FAM184A: variants seen among roughly 807,000 people sequenced by gnomAD.
The protein encoded by FAM184A is protein FAM184A.
FAM184A carries 99 observed loss-of-function variants against 143.8 expected under a neutral mutation model. That is an observed-to-expected ratio of 0.69 (90% confidence interval 0.58 to 0.81). The LOEUF (loss-of-function observed/expected upper bound fraction) is 0.81. FAM184A is among the 40% of genes least tolerant of loss of function. The probability of loss-of-function intolerance (pLI) is 0.00; values close to 1 mark genes in which losing one functional copy is unlikely to be tolerated. For missense variants in FAM184A, 1,217 were observed against 1,310.5 expected (o/e 0.93, Z 1.10); for synonymous variants, 427 against 446.4 (o/e 0.96, Z 0.55).
At chr6:119,032,312 G>A (rs777343657) in intron 1 of FAM184A, among the ~76,000 whole-genome samples, 24 of 151,596 alleles carry the variant, frequency 1.6e-4, no homozygotes, top group South Asian at 2.1e-4. Context: ...AATTTTTACC[G>A]ATGAGATTTC....
intron 16 of FAM184A, 116 bp downstream of exon 16, chr6:118,964,551 A>G: frequency 2.0e-6 from 1 of 501,640 alleles, no homozygotes; most frequent in Non-Finnish European, 3.6e-6. Context: ...AGATTATTAA[A>G]TAGAAGAAAA....
At chr6:119,121,566 G>A (rs1250472381) in intron 1 of FAM184A, among the ~76,000 whole-genome samples, 1 of 152,184 alleles carries the variant, frequency 6.6e-6, no homozygotes, top group Non-Finnish European at 1.5e-5. Context: ...ACTTAATGAT[G>A]TCAGCAAATT....
At chr6:119,062,655 A>G (rs137881089) in intron 1 of FAM184A, among the ~76,000 whole-genome samples, 175 of 152,180 alleles carry the variant, frequency 1.1e-3, no homozygotes, top group Middle Eastern at 3.4e-3. Flanking sequence ...GAGAGACCCT[A>G]TCTCAAAAAT....
At chr6:119,098,292 T>C (rs748511025) in intron 1 of FAM184A, among the ~76,000 whole-genome samples, 12 of 152,206 alleles carry the variant, frequency 7.9e-5, no homozygotes, top group Non-Finnish European at 1.5e-4. Flanking sequence ...CGTGGAACTG[T>C]GAGTCCATTA....
chr6:119,033,260 G>A (rs2114710983), intron 1 of FAM184A, among the ~76,000 whole-genome samples: 1 of 152,260 alleles, frequency 6.6e-6, no homozygotes. Context: ...TTGCTTCGGA[G>A]GTGATGAAAT....
chr6:119,130,865 T>C (rs189900422), intron 1 of FAM184A, among the ~76,000 whole-genome samples: 26 of 149,454 alleles, frequency 1.7e-4, no homozygotes, highest in African/African-American at 5.5e-4. Flanking sequence ...TTTCTTTTTT[T>C]TTTTTTTTTT....
intron 10 of FAM184A, 88 bp downstream of exon 10, chr6:118,980,050 A>G: frequency 1.7e-6 from 2 of 1,159,664 alleles, no homozygotes; most frequent in Non-Finnish European, 2.5e-6. Flanking sequence ...CCTGTCTCAA[A>G]AAATAGAAAA....
At chr6:119,098,517 T>C (rs1788564687) in intron 1 of FAM184A, among the ~76,000 whole-genome samples, 1 of 152,200 alleles carries the variant, frequency 6.6e-6, no homozygotes, top group Admixed American at 6.5e-5. Context: ...CATAAATGTA[T>C]GAAGGCTATA....
chr6:119,110,376 CA>C (rs1788902329), intron 1 of FAM184A, among the ~76,000 whole-genome samples: 1 of 152,190 alleles, frequency 6.6e-6, no homozygotes, highest in South Asian at 2.1e-4. Flanking sequence ...ATCAGGAAAG[CA>C]AAACTTTTGA....
In FAM184A at chr6:119,107,594, G is replaced by A. The variant is rs765600193; in HGVS notation, c.-202+41484C>T. On this transcript the variant is annotated intron_variant, in intron 1 of 16. Coordinates refer to the FAM184A transcript ENST00000352896. ...CTGGCCAATGTAGTGAAAATAATTT[G>A]TCTCTAATAAAAAACCTAAACAAAA... Among the ~76,000 whole-genome samples, 229 of 151,910 alleles carry A rather than the reference G, an allele frequency of 1.5e-3. 1 individual carries two copies. The highest frequency in any genetic ancestry group is 2.9e-3 in the Non-Finnish European group (196 of 67,976).
intron 1 of FAM184A, among the ~76,000 whole-genome samples, chr6:119,094,429 TC>T (rs1350134259): frequency 6.6e-6 from 1 of 152,164 alleles, no homozygotes; most frequent in Non-Finnish European, 1.5e-5. Flanking sequence ...CCCCCTTTCA[TC>T]CCAGTATTAG....
intron 1 of FAM184A, among the ~76,000 whole-genome samples, chr6:119,144,964 ACAT>A (rs1772378076): frequency 6.6e-6 from 1 of 152,238 alleles, no homozygotes; most frequent in Non-Finnish European, 1.5e-5. Flanking sequence ...AGATCAAGCA[ACAT>A]CATCGCGTTA....
At chr6:119,126,623 GA>G (rs1789373885) in intron 1 of FAM184A, among the ~76,000 whole-genome samples, 1 of 152,206 alleles carries the variant, frequency 6.6e-6, no homozygotes, top group African/African-American at 2.4e-5. Context: ...GCCCCAGAAG[GA>G]GTGTTAACAG....
chr6:118,982,570 G>A (rs182581283), intron 9 of FAM184A, among the ~76,000 whole-genome samples: 36 of 152,368 alleles, frequency 2.4e-4, no homozygotes, highest in African/African-American at 8.4e-4. Flanking sequence ...GAATGGACAT[G>A]TTTTTCTGCT....
intron 1 of FAM184A, among the ~76,000 whole-genome samples, chr6:119,095,898 A>G (rs1240533127): frequency 6.6e-6 from 1 of 152,142 alleles, no homozygotes; most frequent in South Asian, 2.1e-4. Context: ...CTTCCAGTCC[A>G]TCTTCCATTG....
chr6:118,995,222 G>C (rs1458869088), intron 9 of FAM184A, among the ~76,000 whole-genome samples: 1 of 152,062 alleles, frequency 6.6e-6, no homozygotes, highest in Non-Finnish European at 1.5e-5. Flanking sequence ...TTCGAGACCA[G>C]CCTGGGTAAC....
intron 1 of FAM184A, among the ~76,000 whole-genome samples, chr6:119,039,650 GTATCAT>G (rs1786244761): frequency 1.3e-5 from 2 of 152,298 alleles, no homozygotes; most frequent in East Asian, 3.9e-4. Context: ...AGTGTTACAG[GTATCAT>G]AGCTAGGCAA....
intron 1 of FAM184A, chr6:119,025,712 G>C: frequency 2.2e-6 from 1 of 464,098 alleles, no homozygotes; most frequent in South Asian, 1.6e-5. Flanking sequence ...GTTATTTAAG[G>C]CTTTGAGATG....
intron 1 of FAM184A, among the ~76,000 whole-genome samples, chr6:119,034,666 TA>T (rs1786043059): frequency 6.6e-6 from 1 of 151,970 alleles, no homozygotes; most frequent in Non-Finnish European, 1.5e-5. Context: ...AGAATGCATA[TA>T]TTTTTATAGT....
Sources: allele counts gnomAD v4.1 joint callset (sites outside exome capture counted in the v4.1 genomes callset), GRCh38; gene constraint gnomAD v4.1.1; transcripts MANE v1.5; gene names NCBI Gene and HGNC (gene_info 2026-07-23, HGNC 2026-07-21).